Variants in XPO1 observed in about 807,000 individuals in gnomAD.
XPO1 encodes exportin 1.
XPO1 carries 5 observed loss-of-function variants against 133.3 expected under a neutral mutation model. That is an observed-to-expected ratio of 0.04 (90% CI 0.02 to 0.08). XPO1 has a LOEUF of 0.08. Ranked by LOEUF, XPO1 falls within the 10% of genes least tolerant of loss-of-function variation. The probability of loss-of-function intolerance (pLI) is 1.00; values close to 1 mark genes in which losing one functional copy is unlikely to be tolerated. For missense variants in XPO1, 506 were observed against 1,267.5 expected (o/e 0.40, Z 9.12); for synonymous variants, 419 against 408.2 (o/e 1.03, Z -0.32).
Position 61,533,911 on chromosome 2 carries a change from T to TA in XPO1, c.-6-9dup. 4.6e-6 allele frequency: 7 copies of TA among 1,511,426 alleles called. No individual in the cohort carries two copies. Among genetic ancestry groups the TA allele is most frequent in the Non-Finnish European group, 6.2e-6 (7 of 1,130,632 alleles). The allele number at this position is 1,511,426 out of a possible 1,614,324, so 93.6% of individuals were successfully genotyped here. ...AATTGCTGGCATAGATTACTGAAAATAAAGAAAAAAAATTGAAGCTGCCTA... is the reference window on the plus strand; with the variant it reads ...AATTGCTGGCATAGATTACTGAAAATAAAAGAAAAAAAATTGAAGCTGCCTA... On this transcript the variant is annotated splice_polypyrimidine_tract_variant and intron_variant, in intron 1 of 24. Coordinates refer to ENST00000401558, the MANE Select transcript of XPO1 (RefSeq NM_003400.4).
chr2:61,515,934 A>AC (rs1460061228), intron 4 of XPO1, among the ~76,000 whole-genome samples: 40 of 118,436 alleles, frequency 3.4e-4, no homozygotes, highest in Admixed American at 2.5e-3. Flanking sequence ...AAAAAAAAAA[A>AC]AACCACACAC....
intron 4 of XPO1, among the ~76,000 whole-genome samples, chr2:61,521,802 C>A (rs1326074700): frequency 6.6e-6 from 1 of 152,050 alleles, no homozygotes; most frequent in Non-Finnish European, 1.5e-5. Context: ...GTTGCCCAGG[C>A]TAGAGTACAG....
intron 1 of XPO1, chr2:61,534,828 G>A (rs1246176290): frequency 2.6e-5 from 4 of 152,098 alleles, no homozygotes; most frequent in Admixed American, 2.0e-4. Flanking sequence ...AAATAACTTA[G>A]CTTCTACACT....
rs1359501800 is a variant in XPO1, at chr2:61,499,702, T to C, written c.590+11A>G. ...ATCACTTTAAAATTCTAAAACATAA[T>C]TATTACTTGCCTGTCTTTTAAATGC... On this transcript the variant is annotated intron_variant, in intron 7 of 24. Transcript: ENST00000401558. 1.3e-6 allele frequency: 2 copies of C among 1,559,310 alleles called. No homozygotes were observed. The highest frequency in any genetic ancestry group is 1.4e-5 in the African/African-American group (1 of 71,842).
chr2:61,491,344 C>T lies in XPO1; in HGVS notation c.1888-568G>A, dbSNP rs193123327. On this transcript the variant is annotated intron_variant, in intron 16 of 24. Transcript: ENST00000401558. ...GGCGTGGTGGCAAGCACCTGTTAAT[C>T]ATAGCCACTGAGGAAGAGAATCGTT... Among the ~76,000 whole-genome samples the T allele has an allele frequency of 9.4e-5, 14 of 149,674 alleles. No individual in the cohort carries two copies. The East Asian group carries it at 2.6e-3, about 28-fold the overall frequency.
intron 6 of XPO1, among the ~76,000 whole-genome samples, chr2:61,500,784 G>C (rs1043662255): frequency 6.6e-6 from 1 of 152,028 alleles, no homozygotes; most frequent in Non-Finnish European, 1.5e-5. Context: ...GGGCGACAGA[G>C]CGACACTCCA....
intron 4 of XPO1, among the ~76,000 whole-genome samples, chr2:61,519,681 A>G (rs1298975262): frequency 1.5e-5 from 2 of 130,344 alleles, no homozygotes; most frequent in African/African-American, 5.8e-5. Flanking sequence ...CCTGGGCAAC[A>G]GAGCAAGACT....
chr2:61,526,702 C>T, intron 2 of XPO1, among the ~76,000 whole-genome samples, 181 bp from the exon 3 acceptor site: 1 of 133,794 alleles, frequency 7.5e-6, no homozygotes, highest in Non-Finnish European at 1.6e-5. Flanking sequence ...AAATATGACT[C>T]CCAATTTTTT....
At position 61,478,494 on chromosome 2, in the gene XPO1, A is replaced by C. The variant is rs1314680979; in HGVS notation, c.*326T>G. On this transcript the variant is annotated 3_prime_UTR_variant, in exon 25 of 25. Coordinates refer to ENST00000401558, the MANE Select transcript of XPO1 (RefSeq NM_003400.4). The stretch of plus-strand genomic sequence containing the variant: ...TATTGTTTACAGGAAAAATTGTATA[A>C]TTTTGCATTAGAATTACAAGTATAT... The C allele has an allele frequency of 7.2e-6, 2 of 279,500 alleles. No homozygotes were observed. Among genetic ancestry groups the C allele is most frequent in the Non-Finnish European group, 1.3e-5 (2 of 149,494 alleles). The allele number at this position is 279,500 out of a possible 1,614,324, so 17.3% of individuals were successfully genotyped here.
intron 4 of XPO1, among the ~76,000 whole-genome samples, chr2:61,517,841 T>G (rs574458564): frequency 6.6e-6 from 1 of 152,200 alleles, no homozygotes; most frequent in East Asian, 1.9e-4. Context: ...CTCTCAAGGC[T>G]GAGGCAAGAG....
At chr2:61,530,816 ATATTT>A (rs1478026657) in intron 2 of XPO1, among the ~76,000 whole-genome samples, 1 of 151,880 alleles carries the variant, frequency 6.6e-6, no homozygotes, top group Non-Finnish European at 1.5e-5. Flanking sequence ...TCATTAGTGC[ATATTT>A]TATGAGTAGC....
At chr2:61,534,923 G>A (rs1015120083) in intron 1 of XPO1, among the ~76,000 whole-genome samples, 5 of 151,784 alleles carry the variant, frequency 3.3e-5, no homozygotes, top group African/African-American at 9.7e-5. Flanking sequence ...TATGATCTAG[G>A]AAAAAAAACT....
At chr2:61,521,768 G>T (rs1238019808) in intron 4 of XPO1, among the ~76,000 whole-genome samples, 4 of 151,824 alleles carry the variant, frequency 2.6e-5, no homozygotes, top group African/African-American at 9.7e-5. Flanking sequence ...TGTTGTTCTT[G>T]TTTTTTGAGA....
chr2:61,479,689 C>G (rs760788404), intron 24 of XPO1, among the ~76,000 whole-genome samples: 11 of 152,198 alleles, frequency 7.2e-5, no homozygotes, highest in Non-Finnish European at 1.5e-4. Flanking sequence ...CCTCAGCCTC[C>G]CCAGCAGCTG....
At chr2:61,499,609 A>G in intron 7 of XPO1, 104 bp downstream of exon 7, 2 of 1,130,720 alleles carry the variant, frequency 1.8e-6, no homozygotes, top group Non-Finnish European at 2.4e-6. Flanking sequence ...GCAATTTAAC[A>G]TATTACTGAT....
Position 61,495,566 on chromosome 2 carries a change from T to A in XPO1, c.936A>T (p.Lys312Asn). ...TNIRLAYSNG[K>N]DDEQNFIQNL... Reference sequence around the variant, plus strand: ...TTTGAATGAAGTTCTGTTCATCATCTTTTCCATTTGAGTACGCAAGTCGAA... The same window carrying A: ...TTTGAATGAAGTTCTGTTCATCATCATTTCCATTTGAGTACGCAAGTCGAA... Residue 312 changes from lysine (K) to asparagine (N), a missense_variant, in exon 11 of 25, where the codon AAA (lysine) becomes AAT (asparagine). Lys to Asn is a moderately conservative substitution (Grantham distance 94). Transcript: ENST00000401558. 1 of 1,588,306 alleles carries A rather than the reference T, an allele frequency of 6.3e-7. No individual in the cohort carries two copies.
chr2:61,485,244 A>T (rs1345062350), intron 20 of XPO1: 1 of 152,418 alleles, frequency 6.6e-6, no homozygotes, highest in Non-Finnish European at 1.5e-5. Context: ...TATAATTGAA[A>T]CATGCAGACT....
intron 12 of XPO1, chr2:61,493,313 G>A (rs941837173): frequency 3.2e-6 from 1 of 316,536 alleles, no homozygotes. Flanking sequence ...AAGCACAACA[G>A]AAAAAACTAT....
intron 4 of XPO1, among the ~76,000 whole-genome samples, chr2:61,517,166 G>C (rs976186236): frequency 1.2e-4 from 18 of 152,178 alleles, no homozygotes; most frequent in African/African-American, 4.1e-4. Flanking sequence ...CTCCCAAAGT[G>C]CTGGGATTAC....
Sources: gnomAD v4.1 joint callset for allele counts (sites outside exome capture counted in the v4.1 genomes callset) on GRCh38, gnomAD v4.1.1 for gene constraint, MANE v1.5 for transcripts, NCBI Gene and HGNC (gene_info 2026-07-23, HGNC 2026-07-21) for gene names.